The following RASSF6 variants were observed in gnomAD, a reference collection of about 807,000 sequenced individuals.
RASSF6 encodes ras association domain-containing protein 6.
Under a neutral mutation model 44.0 loss-of-function variants are expected in RASSF6, and 52 were observed. The ratio of observed to expected loss-of-function variants is 1.18; its 90% CI spans 0.95 to 1.49. The LOEUF (loss-of-function observed/expected upper bound fraction) is 1.49. Ranked by LOEUF, RASSF6 falls within the 40% of genes most tolerant of loss-of-function variation. The pLI is 0.00. For synonymous variants in RASSF6, 162 were observed against 124.6 expected (o/e 1.30, Z -2.00); for missense variants, 464 against 393.3 (o/e 1.18, Z -1.52).
chr4:73,601,787 T>C (rs1470129528), intron 2 of RASSF6, among the ~76,000 whole-genome samples: 1 of 152,260 alleles, frequency 6.6e-6, no homozygotes, highest in Non-Finnish European at 1.5e-5. Context: ...AATGTATGTC[T>C]GTAACATTCT....
chr4:73,613,509 G>A (rs1263105992), intron 1 of RASSF6, among the ~76,000 whole-genome samples: 1 of 152,122 alleles, frequency 6.6e-6, no homozygotes, highest in African/African-American at 2.4e-5. Flanking sequence ...GTCCCCGACT[G>A]AAATCCCCCA....
chr4:73,579,947 G>A (rs1723494153), intron 8 of RASSF6, among the ~76,000 whole-genome samples: 1 of 151,364 alleles, frequency 6.6e-6, no homozygotes. Context: ...ATCTATACAT[G>A]TGCCATGCTG....
chr4:73,576,826 C>A, intron 8 of RASSF6, 95 bp from the exon 9 acceptor site: 1 of 805,554 alleles, frequency 1.2e-6, no homozygotes, highest in Non-Finnish European at 2.0e-6. Flanking sequence ...ATTTAACTCA[C>A]TTTGAAAAAA....
At chr4:73,611,140 A>AT (rs1725979681) in intron 2 of RASSF6, among the ~76,000 whole-genome samples, 1 of 151,472 alleles carries the variant, frequency 6.6e-6, no homozygotes, top group African/African-American at 2.4e-5. Flanking sequence ...AGTACCACTT[A>AT]TTTTTTCATG....
intron 8 of RASSF6, among the ~76,000 whole-genome samples, chr4:73,577,572 A>G (rs530436815): frequency 2.6e-5 from 4 of 152,218 alleles, no homozygotes; most frequent in African/African-American, 4.8e-5. Context: ...AGAGTCTAGA[A>G]CTCAAAAGCC....
intron 8 of RASSF6, among the ~76,000 whole-genome samples, chr4:73,578,739 G>A (rs373789874): frequency 1.3e-5 from 2 of 151,586 alleles, no homozygotes; most frequent in East Asian, 1.9e-4. Context: ...TTCCTGAGTA[G>A]CTGGGATTAC....
Position 73,598,570 on chromosome 4 carries a change from G to GTC in RASSF6, c.144+69_144+70insGA. ...ACTTTCACCTGTTTCTTCCAGAATT[G>GTC]TGTGTGTGTGTGTGTGCACGCATGT... On this transcript the variant is annotated intron_variant, in intron 3 of 10. Transcript: ENST00000307439. 5 of 665,790 alleles carry GTC rather than the reference G, an allele frequency of 7.5e-6. No individual in the cohort carries two copies. In the South Asian group the frequency reaches 8.3e-5, roughly 11 times the overall value. 41.2% of individuals were successfully genotyped at this position (665,790 alleles called of 1,614,324 possible).
intron 1 of RASSF6, among the ~76,000 whole-genome samples, chr4:73,612,847 C>T (rs1207081874): frequency 6.6e-6 from 1 of 152,118 alleles, no homozygotes; most frequent in Non-Finnish European, 1.5e-5. Context: ...AGTCCCTTAA[C>T]CTGACTCTCA....
intron 2 of RASSF6, chr4:73,604,709 C>T (rs1407177867): frequency 6.6e-6 from 1 of 151,754 alleles, no homozygotes; most frequent in African/African-American, 2.4e-5. Flanking sequence ...ATGTCAGGTT[C>T]AAAAAGCTGA....
intron 4 of RASSF6, among the ~76,000 whole-genome samples, chr4:73,593,173 G>A (rs1445379819): frequency 6.6e-6 from 1 of 151,810 alleles, no homozygotes; most frequent in African/African-American, 2.4e-5. Context: ...CTGCCACCAC[G>A]CCCAGCTAAT....
intron 2 of RASSF6, among the ~76,000 whole-genome samples, chr4:73,608,369 C>T (rs1725794916): frequency 1.3e-5 from 2 of 151,968 alleles, no homozygotes; most frequent in African/African-American, 2.4e-5. Context: ...TTGATATGCT[C>T]AATGACTGTT....
At position 73,620,383 on chromosome 4, in the gene RASSF6, G is replaced by T. The variant is rs185437584; in HGVS notation, c.-130C>A. The T allele has an allele frequency of 1.2e-4, 183 of 1,529,984 alleles. 2 individuals carry two copies. The East Asian group carries it at 4.6e-3, about 38-fold the overall frequency. The allele number at this position is 1,529,984 out of a possible 1,614,324, so 94.8% of individuals were successfully genotyped here. A position where few individuals can be genotyped will look rare whatever the true frequency, so the allele number is the denominator to read the frequency against. ...GTTCTCGGCTGGGTCAGGAACTCTG[G>T]TAGAGGGAAACCAGTGCCCTGTCTC... is the stretch of plus-strand genomic sequence containing the variant. On this transcript the variant is annotated 5_prime_UTR_variant, in exon 1 of 11. Transcript: ENST00000307439.
At chr4:73,612,656 CAT>C (rs1726107311) in intron 1 of RASSF6, among the ~76,000 whole-genome samples, 1 of 152,060 alleles carries the variant, frequency 6.6e-6, no homozygotes, top group African/African-American at 2.4e-5. Context: ...CTTCTATTCT[CAT>C]AAAATCTCTG....
intron 8 of RASSF6, 46 bp downstream of exon 8, chr4:73,581,771 T>C: frequency 1.5e-6 from 2 of 1,340,314 alleles, no homozygotes; most frequent in African/African-American, 1.4e-5. Context: ...GGCAGCAAAC[T>C]GTAGCACTCT....
chr4:73,584,902 T>C (rs1369732603), intron 6 of RASSF6, among the ~76,000 whole-genome samples: 2 of 152,108 alleles, frequency 1.3e-5, no homozygotes, highest in African/African-American at 4.8e-5. Flanking sequence ...TAAGACAAAT[T>C]GCTTAATCTC....
chr4:73,620,463 G>C (rs564308942), upstream of RASSF6: 16 of 1,547,196 alleles, frequency 1.0e-5, no homozygotes, highest in African/African-American at 1.9e-4. Flanking sequence ...CGAGGCCCGC[G>C]CGGGCGCAGG....
At chr4:73,588,152 C>A (rs1232212993) in intron 4 of RASSF6, among the ~76,000 whole-genome samples, 1 of 151,930 alleles carries the variant, frequency 6.6e-6, no homozygotes, top group Non-Finnish European at 1.5e-5. Context: ...TAGAGCATAT[C>A]TTTTTGACGT....
intron 2 of RASSF6, among the ~76,000 whole-genome samples, chr4:73,611,402 C>T (rs1341222632): frequency 6.6e-6 from 1 of 152,080 alleles, no homozygotes; most frequent in African/African-American, 2.4e-5. Flanking sequence ...ATGTTTTTGG[C>T]CCTGGGGTTA....
chr4:73,614,715 T>A (rs1726232982), intron 1 of RASSF6, among the ~76,000 whole-genome samples: 1 of 152,194 alleles, frequency 6.6e-6, no homozygotes, highest in African/African-American at 2.4e-5. Context: ...ACACTGTTGA[T>A]CTATGCTGAG....
Sources: allele counts gnomAD v4.1 joint callset (sites outside exome capture counted in the v4.1 genomes callset), GRCh38; gene constraint gnomAD v4.1.1; transcripts MANE v1.5; gene names NCBI Gene and HGNC (gene_info 2026-07-23, HGNC 2026-07-21).